The following HECW2 variants were observed in gnomAD, a reference collection of about 807,000 sequenced individuals.
HECW2 encodes the protein HECT, C2 and WW domain containing E3 ubiquitin protein ligase 2.
In HECW2, 61 loss-of-function variants were observed where a neutral mutation model predicts 175.2. The ratio of observed to expected loss-of-function variants is 0.35; its 90% CI spans 0.28 to 0.43. The LOEUF (loss-of-function observed/expected upper bound fraction) is 0.43. HECW2 is among the 20% of genes least tolerant of loss of function. The pLI is 1.00. For synonymous variants in HECW2, 671 were observed against 731.0 expected (o/e 0.92, Z 1.32); for missense variants, 1,524 against 2,000.5 (o/e 0.76, Z 4.54).
chr2:196,378,498 T>A (rs2889220), intron 2 of HECW2, among the ~76,000 whole-genome samples: 1 of 152,200 alleles, frequency 6.6e-6, no homozygotes, highest in African/African-American at 2.4e-5. Flanking sequence ...GAAAATAAAA[T>A]GTTTAAACAC....
chr2:196,250,630 G>A (rs1196441806), intron 19 of HECW2, among the ~76,000 whole-genome samples: 2 of 152,066 alleles, frequency 1.3e-5, no homozygotes, highest in East Asian at 3.9e-4. Context: ...TACCTGTAGT[G>A]TCATACACTT....
intron 13 of HECW2, among the ~76,000 whole-genome samples, chr2:196,299,570 C>G (rs986808266): frequency 6.6e-6 from 1 of 152,188 alleles, no homozygotes; most frequent in Non-Finnish European, 1.5e-5. Context: ...ACCTACTGAA[C>G]CAGAATCTCT....
intron 1 of HECW2, among the ~76,000 whole-genome samples, chr2:196,503,560 C>T (rs1687645820): frequency 6.6e-6 from 1 of 152,166 alleles, no homozygotes; most frequent in African/African-American, 2.4e-5. Context: ...TCCTTCTGCC[C>T]TCCTGTTCCC....
intron 2 of HECW2, among the ~76,000 whole-genome samples, chr2:196,398,647 T>C (rs2125199346): frequency 6.6e-6 from 1 of 152,104 alleles, no homozygotes; most frequent in East Asian, 1.9e-4. Flanking sequence ...ATTAAACATG[T>C]TATTTATGAT....
chr2:196,309,641 G>A (rs183664934), intron 10 of HECW2, among the ~76,000 whole-genome samples: 2 of 152,012 alleles, frequency 1.3e-5, no homozygotes, highest in African/African-American at 2.4e-5. Flanking sequence ...CTTTCTCATC[G>A]GAGTCAGGGT....
chr2:196,277,377 C>T (rs1224116250), intron 15 of HECW2, among the ~76,000 whole-genome samples: 1 of 152,152 alleles, frequency 6.6e-6, no homozygotes, highest in South Asian at 2.1e-4. Context: ...AATCCCATAT[C>T]CCTGGATGGA....
chr2:196,363,423 T>A (rs939645949), intron 2 of HECW2, among the ~76,000 whole-genome samples: 4 of 151,502 alleles, frequency 2.6e-5, no homozygotes, highest in African/African-American at 9.7e-5. Flanking sequence ...AAACCCAAGC[T>A]CTTTTAAGAT....
intron 17 of HECW2, chr2:196,269,514 A>AAAAAAAAAAAAAAAAAAC (rs1689647270): frequency 6.6e-6 from 1 of 151,268 alleles, no homozygotes; most frequent in Non-Finnish European, 1.5e-5. Flanking sequence ...AAAAAAAAAA[A>AAAAAAAAAAAAAAAAAAC]AAAAAAAGAC....
At chr2:196,521,583 T>C (rs1477017007) in intron 1 of HECW2, among the ~76,000 whole-genome samples, 7 of 149,900 alleles carry the variant, frequency 4.7e-5, no homozygotes, top group Non-Finnish European at 8.9e-5. Context: ...CTGCACCCAC[T>C]AACTCATCAT....
chr2:196,286,389 T>C (rs1446720316), intron 14 of HECW2, among the ~76,000 whole-genome samples: 1 of 150,430 alleles, frequency 6.6e-6, no homozygotes, highest in Non-Finnish European at 1.5e-5. Context: ...ATGGAGGTCA[T>C]ATATATATAT....
intron 2 of HECW2, among the ~76,000 whole-genome samples, chr2:196,399,900 C>A (rs1694773808): frequency 6.6e-6 from 1 of 152,168 alleles, no homozygotes; most frequent in African/African-American, 2.4e-5. Flanking sequence ...TACTGCCAAG[C>A]CCAGTATTAG....
At chr2:196,582,613 A>G (rs1285254536) in intron 1 of HECW2, among the ~76,000 whole-genome samples, 1 of 152,162 alleles carries the variant, frequency 6.6e-6, no homozygotes, top group Non-Finnish European at 1.5e-5. Flanking sequence ...TTCTTGGTAG[A>G]GATCCATAAC....
intron 10 of HECW2, among the ~76,000 whole-genome samples, chr2:196,311,530 C>G (rs1303232115): frequency 3.3e-5 from 5 of 152,196 alleles, no homozygotes; most frequent in Admixed American, 6.5e-5. Flanking sequence ...GGTGCGGTGG[C>G]TCACACCTGT....
Position 196,536,854 on chromosome 2 carries a change from G to T in HECW2, c.-36+56654C>A, listed in dbSNP as rs190974254. Reference sequence around the variant, plus strand: ...TCATTTGATCTTTGATGGCTGCATTGGTGGTTGTGTTGGATGAAAGACAGC... The same window carrying T: ...TCATTTGATCTTTGATGGCTGCATTTGTGGTTGTGTTGGATGAAAGACAGC... On this transcript the variant is annotated intron_variant, in intron 1 of 28. Transcript: ENST00000644978. Among the ~76,000 whole-genome samples, 91 of 152,226 alleles carry T rather than the reference G, an allele frequency of 6.0e-4. No homozygotes were observed. In the East Asian group the frequency reaches 9.3e-3, roughly 16 times the overall value.
At chr2:196,518,654 C>CCAAA (rs1491157764) in intron 1 of HECW2, among the ~76,000 whole-genome samples, 1 of 77,426 alleles carries the variant, frequency 1.3e-5, no homozygotes, top group Admixed American at 1.6e-4. Context: ...GATTCTGTCT[C>CCAAA]AAAAAAAAAA....
chr2:196,399,874 G>A (rs1267343720), intron 2 of HECW2, among the ~76,000 whole-genome samples: 2 of 152,140 alleles, frequency 1.3e-5, no homozygotes, highest in Non-Finnish European at 2.9e-5. Context: ...CCTAGGTGAG[G>A]GAATAGTGCA....
chr2:196,489,308 C>T (rs904808475), intron 1 of HECW2, among the ~76,000 whole-genome samples: 1 of 152,114 alleles, frequency 6.6e-6, no homozygotes, highest in African/African-American at 2.4e-5. Flanking sequence ...ATATATAACT[C>T]CCCTATTATA....
chr2:196,348,491 T>A (rs1008195488), intron 2 of HECW2, among the ~76,000 whole-genome samples: 25 of 152,046 alleles, frequency 1.6e-4, no homozygotes, highest in Non-Finnish European at 3.2e-4. Context: ...AAAAAAAAAT[T>A]TTTTTAATTA....
intron 1 of HECW2, among the ~76,000 whole-genome samples, chr2:196,521,248 C>CTTGTA (rs1179714237): frequency 3.5e-5 from 4 of 115,282 alleles, no homozygotes; most frequent in Non-Finnish European, 6.6e-5. Flanking sequence ...TGCAGTCTTT[C>CTTGTA]TTGTATTTCA....
Sources: allele counts gnomAD v4.1 joint callset (sites outside exome capture counted in the v4.1 genomes callset), GRCh38; gene constraint gnomAD v4.1.1; transcripts MANE v1.5; gene names NCBI Gene and HGNC (gene_info 2026-07-23, HGNC 2026-07-21).